The following ACTR3C variants were observed in gnomAD, a reference collection of about 807,000 sequenced individuals.
ACTR3C encodes actin-related protein 3C.
ACTR3C carries 18 observed loss-of-function variants against 26.3 expected under a neutral mutation model. That is an observed-to-expected ratio of 0.68 (90% CI 0.47 to 1.01). The LOEUF (loss-of-function observed/expected upper bound fraction) is 1.01, where lower values mean the gene tolerates loss of function less well. ACTR3C is among the 50% of genes least tolerant of loss of function. ACTR3C has a pLI of 0.00. For synonymous variants in ACTR3C, 55 were observed against 94.5 expected, an observed-to-expected ratio of 0.58 and a Z score of 2.42; for missense variants, 184 against 250.7, an observed-to-expected ratio of 0.73 and a Z score of 1.80.
chr7:150,153,217 C>G, the ACTR3C span, among the ~76,000 whole-genome samples: 8 of 152,072 alleles, frequency 5.3e-5, no homozygotes, highest in Non-Finnish European at 1.5e-5. Context: ...CCAAAACTGA[C>G]AAATGGGATC....
intron 1 of ACTR3C, among the ~76,000 whole-genome samples, chr7:150,322,067 G>A (rs913279404): frequency 1.6e-4 from 25 of 152,354 alleles, no homozygotes; most frequent in Admixed American, 8.5e-4. Flanking sequence ...TTTTGTGCTC[G>A]TCCAGGGAAC....
At chr7:150,237,149 T>C in the ACTR3C span, among the ~76,000 whole-genome samples, 1 of 152,144 alleles carries the variant, frequency 6.6e-6, no homozygotes, top group Non-Finnish European at 1.5e-5. Flanking sequence ...ATGGCATTGA[T>C]GCTGGAGGAA....
chr7:149,923,724 A>G, the ACTR3C span, among the ~76,000 whole-genome samples: 1,908 of 152,302 alleles, frequency 0.013, 39 homozygotes, highest in African/African-American at 0.044. Flanking sequence ...GAGCCCAGGC[A>G]TGGTGGCTCA....
At chr7:150,198,787 C>CCT in the ACTR3C span, among the ~76,000 whole-genome samples, 1 of 142,874 alleles carries the variant, frequency 7.0e-6, no homozygotes, top group African/African-American at 2.9e-5. Flanking sequence ...GCCAGCCGTG[C>CCT]CGTCCGGGAG....
the ACTR3C span, among the ~76,000 whole-genome samples, chr7:150,034,844 T>C: frequency 3.6e-5 from 5 of 140,820 alleles, no homozygotes; most frequent in Non-Finnish European, 7.7e-5. Context: ...GCGATGGGTG[T>C]CCTAAGAGCC....
chr7:150,215,005 A>T, the ACTR3C span, among the ~76,000 whole-genome samples: 2 of 141,346 alleles, frequency 1.4e-5, no homozygotes, highest in Non-Finnish European at 3.0e-5. Context: ...CATGAGTAGT[A>T]TTTCAAACAC....
chr7:150,138,518 G>T, the ACTR3C span, among the ~76,000 whole-genome samples: 6 of 152,230 alleles, frequency 3.9e-5, no homozygotes, highest in Non-Finnish European at 8.8e-5. Context: ...TACTTTTGGA[G>T]AGCTAGTCAT....
chr7:150,109,052 A>T, the ACTR3C span, among the ~76,000 whole-genome samples: 1 of 152,072 alleles, frequency 6.6e-6, no homozygotes, highest in South Asian at 2.1e-4. Flanking sequence ...TAACACCTGC[A>T]GGATTGGACA....
the ACTR3C span, among the ~76,000 whole-genome samples, chr7:150,203,211 T>C: frequency 6.6e-6 from 1 of 152,320 alleles, no homozygotes; most frequent in African/African-American, 2.4e-5. Flanking sequence ...ACCAAGATGG[T>C]GTGTGTGGAC....
chr7:150,090,119 A>G, the ACTR3C span, among the ~76,000 whole-genome samples: 684 of 152,358 alleles, frequency 4.5e-3, 8 homozygotes, highest in African/African-American at 0.016. Context: ...ATAGTTTAAA[A>G]CAAAATATTG....
At chr7:150,159,408 C>T in the ACTR3C span, among the ~76,000 whole-genome samples, 1 of 152,134 alleles carries the variant, frequency 6.6e-6, no homozygotes, top group East Asian at 1.9e-4. Context: ...ATCGATTCGT[C>T]GTGGAAGGAA....
At chr7:149,958,004 T>A in the ACTR3C span, among the ~76,000 whole-genome samples, 12 of 152,282 alleles carry the variant, frequency 7.9e-5, no homozygotes, top group Admixed American at 2.0e-4. Context: ...CAGGCCTGAG[T>A]TGATAAGGCA....
the ACTR3C span, among the ~76,000 whole-genome samples, chr7:150,036,114 G>C: frequency 1.7e-5 from 2 of 120,024 alleles, no homozygotes; most frequent in South Asian, 2.5e-4. Context: ...AAAGAGCCAG[G>C]GGGGGAAGAG....
At chr7:150,034,890 T>A in the ACTR3C span, among the ~76,000 whole-genome samples, 1 of 137,518 alleles carries the variant, frequency 7.3e-6, no homozygotes, top group South Asian at 2.5e-4. Context: ...AGTCCCTACC[T>A]CGCGGGGGGT....
chr7:149,948,774 A>C, the ACTR3C span, among the ~76,000 whole-genome samples: 1 of 151,834 alleles, frequency 6.6e-6, no homozygotes, highest in Non-Finnish European at 1.5e-5. Context: ...CTAAAATTTC[A>C]TGAGTAGCCA....
At chr7:150,185,451 AT>A in the ACTR3C span, among the ~76,000 whole-genome samples, 2 of 152,230 alleles carry the variant, frequency 1.3e-5, no homozygotes, top group Non-Finnish European at 2.9e-5. Context: ...TTAAGCTAAC[AT>A]TCAAATATCT....
the ACTR3C span, among the ~76,000 whole-genome samples, chr7:150,037,469 C>A: frequency 3.6e-5 from 2 of 55,136 alleles, no homozygotes; most frequent in Non-Finnish European, 8.4e-5. Context: ...GCCTCCCCCC[C>A]CTGCGATGGG....
the ACTR3C span, among the ~76,000 whole-genome samples, chr7:150,039,677 A>G: frequency 1.7e-5 from 2 of 119,550 alleles, no homozygotes; most frequent in East Asian, 3.3e-4. Flanking sequence ...CTTAGGATCA[A>G]CGATGGGGGG....
intron 1 of ACTR3C, among the ~76,000 whole-genome samples, chr7:150,315,349 A>C (rs1378540605): frequency 2.6e-5 from 4 of 152,146 alleles, no homozygotes; most frequent in Admixed American, 1.3e-4. Context: ...GAGGATCTTC[A>C]CAATCCATAT....
Sources: gnomAD v4.1 joint callset for allele counts (sites outside exome capture counted in the v4.1 genomes callset) on GRCh38, gnomAD v4.1.1 for gene constraint, MANE v1.5 for transcripts, NCBI Gene and HGNC (gene_info 2026-07-23, HGNC 2026-07-21) for gene names.